Variants in BPTF observed in about 807,000 individuals in gnomAD.
The protein encoded by BPTF is nucleosome-remodeling factor subunit BPTF.
In BPTF, 18 loss-of-function variants were observed where a neutral mutation model predicts 292.5. The observed-to-expected ratio is 0.06, with a 90% confidence interval of 0.04 to 0.09. BPTF has a LOEUF of 0.09. Ranked by LOEUF, BPTF falls within the 10% of genes least tolerant of loss-of-function variation. BPTF has a pLI of 1.00. For synonymous variants in BPTF, 1,225 were observed against 1,251.9 expected (o/e 0.98, Z 0.45); for missense variants, 2,726 against 3,498.7 (o/e 0.78, Z 5.57).
At chr17:67,950,378 C>A (rs1407025611) in intron 23 of BPTF, among the ~76,000 whole-genome samples, 3 of 151,966 alleles carry the variant, frequency 2.0e-5, no homozygotes, top group African/African-American at 7.3e-5. Context: ...AACCAGAAAC[C>A]CCAGTGATGC....
chr17:67,896,998 G>A (rs1436842171), intron 7 of BPTF, among the ~76,000 whole-genome samples: 1 of 151,936 alleles, frequency 6.6e-6, no homozygotes, highest in African/African-American at 2.4e-5. Context: ...TTATCAAGGG[G>A]GAGGAAATAA....
chr17:67,897,912 T>A (rs1283119255), intron 7 of BPTF, among the ~76,000 whole-genome samples: 1 of 152,128 alleles, frequency 6.6e-6, no homozygotes. Context: ...TAATATTTAT[T>A]AATAATTAAT....
At chr17:67,896,260 C>G (rs1342976864) in intron 7 of BPTF, among the ~76,000 whole-genome samples, 2 of 152,164 alleles carry the variant, frequency 1.3e-5, no homozygotes, top group Admixed American at 1.3e-4. Flanking sequence ...CTGCACCCAG[C>G]CAATATTGGG....
In BPTF at chr17:67,982,306, T is replaced by C; in HGVS notation, c.*18T>C. The C allele has an allele frequency of 6.2e-7, 1 of 1,603,044 alleles. No individual in the cohort carries two copies. Among genetic ancestry groups the C allele is most frequent in the Non-Finnish European group, 8.5e-7 (1 of 1,171,188 alleles). On this transcript the variant is annotated 3_prime_UTR_variant, in exon 28 of 28. Transcript: ENST00000306378. ...CTTCTTAAAGTTCAGCGTGTTAACC[T>C]AACATAAAACACAGCAAGAATCTGG... is the stretch of plus-strand genomic sequence containing the variant.
chr17:67,899,570 G>A (rs576340612), intron 7 of BPTF, among the ~76,000 whole-genome samples: 3 of 142,170 alleles, frequency 2.1e-5, no homozygotes, highest in Admixed American at 7.3e-5. Flanking sequence ...CTTGTTTGTC[G>A]CTCAGGCTGG....
intron 27 of BPTF, chr17:67,977,825 CAGAG>C (rs1385355100): frequency 4.2e-4 from 62 of 148,946 alleles, no homozygotes; most frequent in African/African-American, 1.4e-3. Flanking sequence ...GCTTGGGCGA[CAGAG>C]GGAGATTCCA....
At chr17:67,914,075 C>G (rs1417207571) in intron 11 of BPTF, among the ~76,000 whole-genome samples, 2 of 152,162 alleles carry the variant, frequency 1.3e-5, no homozygotes, top group African/African-American at 2.4e-5. Context: ...CTGGGAACAT[C>G]TTTAGAAATC....
At chr17:67,895,274 A>G (rs2061361631) in intron 7 of BPTF, among the ~76,000 whole-genome samples, 1 of 143,742 alleles carries the variant, frequency 7.0e-6, no homozygotes, top group African/African-American at 2.6e-5. Flanking sequence ...CGGAGGTTAC[A>G]GTGAACCGAG....
At chr17:67,859,702 G>A (rs1421859534) in intron 2 of BPTF, among the ~76,000 whole-genome samples, 2 of 152,222 alleles carry the variant, frequency 1.3e-5, no homozygotes, top group Admixed American at 6.5e-5. Context: ...TGGGGAGAAA[G>A]ATACTATAAT....
In BPTF at chr17:67,904,925, A is replaced by G. The variant is rs191074557; in HGVS notation, c.2812+85A>G. The G allele has an allele frequency of 3.5e-6, 4 of 1,158,072 alleles. No homozygotes were observed. The East Asian group carries it at 1.1e-4, about 31-fold the overall frequency. 71.7% of individuals were successfully genotyped at this position (1,158,072 alleles called of 1,614,324 possible). The stretch of plus-strand genomic sequence containing the variant: ...TTGTAGTATTTTGACTATATTTTAG[A>G]TAAAAACATTTTTCTGAAATTTTTA... On this transcript the variant is annotated intron_variant, in intron 9 of 27. Coordinates refer to ENST00000306378, the MANE Select transcript of BPTF (RefSeq NM_182641.4).
chr17:67,956,673 A>AC (rs1555681186), intron 23 of BPTF: 1 of 151,738 alleles, frequency 6.6e-6, no homozygotes, highest in Non-Finnish European at 1.5e-5. Flanking sequence ...AAAAAAAAAA[A>AC]AAAAAAACGG....
intron 27 of BPTF, among the ~76,000 whole-genome samples, chr17:67,980,937 C>T (rs7210027): frequency 0.66 from 100,723 of 152,074 alleles, 35,317 homozygotes; most frequent in Non-Finnish European, 0.78. Flanking sequence ...GCAGGCAGTT[C>T]GCTTGAGCCC....
intron 7 of BPTF, among the ~76,000 whole-genome samples, chr17:67,900,500 C>T (rs1299823873): frequency 6.6e-6 from 1 of 151,486 alleles, no homozygotes; most frequent in Non-Finnish European, 1.5e-5. Flanking sequence ...GGAGGTGAAG[C>T]GGGAGGATTG....
chr17:67,897,706 C>T (rs1177596942), intron 7 of BPTF, among the ~76,000 whole-genome samples: 3 of 152,182 alleles, frequency 2.0e-5, no homozygotes, highest in African/African-American at 7.2e-5. Flanking sequence ...CTGCACCTGT[C>T]ATTAAGGTGA....
intron 7 of BPTF, among the ~76,000 whole-genome samples, chr17:67,900,265 C>T (rs772470739): frequency 4.6e-5 from 7 of 151,896 alleles, no homozygotes; most frequent in African/African-American, 9.7e-5. Context: ...CCACAATGCC[C>T]GGCTAATTTT....
At chr17:67,830,236 G>A (rs1194398871) in intron 1 of BPTF, among the ~76,000 whole-genome samples, 1 of 152,212 alleles carries the variant, frequency 6.6e-6, no homozygotes, top group Non-Finnish European at 1.5e-5. Context: ...TTGTGTTGCA[G>A]TCTCAGTCTT....
chr17:67,866,549 G>C lies in BPTF; in HGVS notation c.1522G>C (p.Asp508His). ...ACTTGCAGAATTAATTGACTGTCTAGACAAAGATTATTGGGAAGCAGAACT... is the reference window on the plus strand; with the variant it reads ...ACTTGCAGAATTAATTGACTGTCTACACAAAGATTATTGGGAAGCAGAACT... ...VQLAELIDCL[D>H]KDYWEAELCK... is the part of the protein sequence containing the mutation. The change falls in exon 3 of 28, where the codon GAC becomes CAC. Residue 508 changes from aspartate to histidine, a missense_variant. Asp to His is a moderately conservative substitution (Grantham distance 81). Transcript: ENST00000306378. The C allele has an allele frequency of 1.2e-6, 2 of 1,614,062 alleles. No individual in the cohort carries two copies. Among genetic ancestry groups the C allele is most frequent in the Non-Finnish European group, 1.7e-6 (2 of 1,179,996 alleles).
chr17:67,863,080 G>A (rs1247474827), intron 2 of BPTF, among the ~76,000 whole-genome samples: 2 of 151,918 alleles, frequency 1.3e-5, no homozygotes, highest in South Asian at 2.1e-4. Flanking sequence ...CCACAAATGG[G>A]GTGGCTTGAA....
Position 67,936,833 on chromosome 17 carries a change from T to C in BPTF, c.6260-3606T>C, listed in dbSNP as rs543313196. Among the ~76,000 whole-genome samples, 105 of 152,344 alleles carry C rather than the reference T, an allele frequency of 6.9e-4. 1 individual carries two copies. Among genetic ancestry groups the C allele is most frequent in the African/African-American group, 2.4e-3 (101 of 41,588 alleles). ...TAATCTTCATATAAAGCATATAAAA[T>C]ACTATCCCCATTTTACCGATGAGAA... On this transcript the variant is annotated intron_variant, in intron 18 of 27. Coordinates refer to ENST00000306378, the MANE Select transcript of BPTF (RefSeq NM_182641.4).
Sources: gnomAD v4.1 joint callset for allele counts (sites outside exome capture counted in the v4.1 genomes callset) on GRCh38, gnomAD v4.1.1 for gene constraint, MANE v1.5 for transcripts, NCBI Gene and HGNC (gene_info 2026-07-23, HGNC 2026-07-21) for gene names.